RNFT2: variants seen among roughly 807,000 people sequenced by gnomAD.
The protein encoded by RNFT2 is E3 ubiquitin-protein ligase RNFT2.
A neutral mutation model predicts 53.0 loss-of-function variants in RNFT2; 36 were observed. The ratio of observed to expected loss-of-function variants is 0.68; its 90% CI spans 0.52 to 0.90. RNFT2 has a LOEUF of 0.90. Ranked by LOEUF, RNFT2 falls within the 40% of genes least tolerant of loss-of-function variation. The probability of loss-of-function intolerance (pLI) is 0.00; values close to 1 mark genes in which losing one functional copy is unlikely to be tolerated. For missense variants in RNFT2, 514 were observed against 585.6 expected (o/e 0.88, Z 1.26); for synonymous variants, 260 against 253.2 (o/e 1.03, Z -0.26).
At chr12:116,841,719 G>T (rs1877259482) in intron 10 of RNFT2, among the ~76,000 whole-genome samples, 1 of 143,872 alleles carries the variant, frequency 7.0e-6, no homozygotes, top group Non-Finnish European at 1.5e-5. Context: ...CTGCACTCTA[G>T]CCTGGGTGAC....
intron 3 of RNFT2, among the ~76,000 whole-genome samples, chr12:116,743,247 G>GAAAAAAAAAAAAAAAAAA (rs1566066807): frequency 8.1e-5 from 5 of 61,580 alleles, no homozygotes; most frequent in East Asian, 5.4e-4. Flanking sequence ...AAAAAAAACC[G>GAAAAAAAAAAAAAAAAAA]GTTAAAAAAC....
intron 7 of RNFT2, among the ~76,000 whole-genome samples, chr12:116,780,924 C>T (rs1445018484): frequency 6.6e-6 from 1 of 152,174 alleles, no homozygotes; most frequent in Non-Finnish European, 1.5e-5. Flanking sequence ...GCCTCTCCAG[C>T]TGTGTGACTT....
intron 8 of RNFT2, among the ~76,000 whole-genome samples, chr12:116,835,363 C>G (rs551213006): frequency 7.9e-5 from 12 of 152,242 alleles, no homozygotes; most frequent in Non-Finnish European, 1.3e-4. Context: ...TGCACACCCT[C>G]AACTCCTCAA....
chr12:116,797,893 G>T (rs118025463), intron 7 of RNFT2, among the ~76,000 whole-genome samples: 1 of 152,168 alleles, frequency 6.6e-6, no homozygotes, highest in Admixed American at 6.5e-5. Flanking sequence ...CTGGGTGATG[G>T]TCATGGAAAG....
At chr12:116,743,246 CGGTT>C (rs1871726086) in intron 3 of RNFT2, among the ~76,000 whole-genome samples, 1 of 6,484 alleles carries the variant, frequency 1.5e-4, no homozygotes, top group Admixed American at 2.3e-3. Context: ...AAAAAAAAAC[CGGTT>C]AAAAAACACT....
chr12:116,828,840 A>C (rs933576964), intron 7 of RNFT2, among the ~76,000 whole-genome samples: 2 of 152,052 alleles, frequency 1.3e-5, no homozygotes, highest in Non-Finnish European at 2.9e-5. Flanking sequence ...TGTAGGGAAG[A>C]GTGACAAAAG....
intron 7 of RNFT2, chr12:116,800,893 G>A (rs1874762156): frequency 6.8e-6 from 1 of 147,186 alleles, no homozygotes; most frequent in African/African-American, 2.5e-5. Context: ...GAGGCTCAGG[G>A]AGGCTAACCA....
At chr12:116,785,667 T>A (rs1159893628) in intron 7 of RNFT2, among the ~76,000 whole-genome samples, 1 of 152,184 alleles carries the variant, frequency 6.6e-6, no homozygotes, top group Non-Finnish European at 1.5e-5. Flanking sequence ...GGCAGAGCTC[T>A]GTAAACGGTG....
intron 7 of RNFT2, among the ~76,000 whole-genome samples, chr12:116,812,926 C>A (rs1875459392): frequency 6.6e-6 from 1 of 151,824 alleles, no homozygotes. Context: ...CAAGGGAGTC[C>A]TTTGGTTTTC....
intron 7 of RNFT2, among the ~76,000 whole-genome samples, chr12:116,788,063 G>T (rs1288113845): frequency 1.3e-5 from 2 of 152,178 alleles, no homozygotes; most frequent in East Asian, 3.9e-4. Flanking sequence ...GAGAAGCTGG[G>T]ATTACAGGCA....
chr12:116,750,319 G>T lies in RNFT2; in HGVS notation c.550+12G>T. The T allele has an allele frequency of 1.3e-6, 2 of 1,586,864 alleles. No individual in the cohort carries two copies. Among genetic ancestry groups the T allele is most frequent in the South Asian group, 1.1e-5 (1 of 88,544 alleles). On this transcript the variant is annotated intron_variant, in intron 4 of 10. Transcript: ENST00000257575. Reference sequence around the variant, plus strand: ...TCAGCATAAGCTCGGTGAGTTCTGGGGGCATGGGTGTCCTAGCCATGGGCT... The same window carrying T: ...TCAGCATAAGCTCGGTGAGTTCTGGTGGCATGGGTGTCCTAGCCATGGGCT...
intron 6 of RNFT2, among the ~76,000 whole-genome samples, chr12:116,771,209 C>T (rs1356012979): frequency 6.6e-6 from 1 of 151,928 alleles, no homozygotes; most frequent in Non-Finnish European, 1.5e-5. Context: ...GCTGTAATCC[C>T]AGCACTTTGG....
At chr12:116,830,117 C>T (rs532714785) in intron 7 of RNFT2, among the ~76,000 whole-genome samples, 63 of 152,174 alleles carry the variant, frequency 4.1e-4, no homozygotes, top group Middle Eastern at 3.4e-3. Flanking sequence ...AGTAATGCTG[C>T]GAGTTCCCAT....
At chr12:116,773,847 CAT>C (rs1435150120) in intron 6 of RNFT2, among the ~76,000 whole-genome samples, 1 of 152,144 alleles carries the variant, frequency 6.6e-6, no homozygotes, top group Non-Finnish European at 1.5e-5. Flanking sequence ...CAACTGAAAA[CAT>C]ATTTTTAAAA....
At chr12:116,749,731 A>G in intron 3 of RNFT2, 110 bp from the exon 4 acceptor site, 1 of 955,612 alleles carries the variant, frequency 1.0e-6, no homozygotes, top group Non-Finnish European at 1.6e-6. Context: ...TTTGAGGGGG[A>G]CACAGCTCAA....
chr12:116,759,176 T>C (rs946104150), intron 5 of RNFT2, among the ~76,000 whole-genome samples: 64 of 152,338 alleles, frequency 4.2e-4, no homozygotes, highest in African/African-American at 1.5e-3. Context: ...GCATTTCGCA[T>C]TTCTAAAAAT....
intron 7 of RNFT2, among the ~76,000 whole-genome samples, chr12:116,791,208 G>T (rs1874215484): frequency 6.6e-6 from 1 of 152,228 alleles, no homozygotes; most frequent in South Asian, 2.1e-4. Context: ...GACATTTTGT[G>T]TAAGTGGAAT....
At chr12:116,839,293 T>TTGGATGGA (rs557620090) in intron 10 of RNFT2, among the ~76,000 whole-genome samples, 13 of 152,032 alleles carry the variant, frequency 8.6e-5, no homozygotes, top group African/African-American at 2.9e-4. Flanking sequence ...TCAGTAAATA[T>TTGGATGGA]TGGATGGATG....
At chr12:116,812,054 T>C (rs1875408310) in intron 7 of RNFT2, among the ~76,000 whole-genome samples, 1 of 151,908 alleles carries the variant, frequency 6.6e-6, no homozygotes. Context: ...AGGAGCCCGG[T>C]GAGGAACAAA....
Sources: allele counts gnomAD v4.1 joint callset (sites outside exome capture counted in the v4.1 genomes callset), GRCh38; gene constraint gnomAD v4.1.1; transcripts MANE v1.5; gene names NCBI Gene and HGNC (gene_info 2026-07-23, HGNC 2026-07-21).